Variants in SGCG observed in about 807,000 individuals in gnomAD.
The protein encoded by SGCG is gamma-sarcoglycan.
SGCG carries 26 observed loss-of-function variants against 29.3 expected under a neutral mutation model. The observed-to-expected ratio is 0.89, with a 90% CI of 0.65 to 1.23. SGCG has a LOEUF of 1.23. Ranked by LOEUF, SGCG falls within the 50% of genes most tolerant of loss-of-function variation. The probability of loss-of-function intolerance (pLI) is 0.00; values close to 1 mark genes in which losing one functional copy is unlikely to be tolerated. For synonymous variants in SGCG, 145 were observed against 129.7 expected (o/e 1.12, Z -0.80); for missense variants, 353 against 356.0 (o/e 0.99, Z 0.07).
chr13:23,240,975 C>G (rs923886128), intron 3 of SGCG, among the ~76,000 whole-genome samples: 2 of 151,900 alleles, frequency 1.3e-5, no homozygotes, highest in African/African-American at 4.8e-5. Context: ...CGGTGAAACC[C>G]TGTCTCTACT....
At position 23,314,822 on chromosome 13, in the gene SGCG, G is replaced by C. The variant is rs952960876; in HGVS notation, c.579-5815G>C. Reference sequence around the variant, plus strand: ...AGGTGAAGGATAAGTTGCTGCATTTGGCCCCACCTGCAACCAAGAAAACGG... The same window carrying C: ...AGGTGAAGGATAAGTTGCTGCATTTCGCCCCACCTGCAACCAAGAAAACGG... On this transcript the variant is annotated intron_variant, in intron 6 of 7. Coordinates refer to ENST00000218867, the MANE Select transcript of SGCG (RefSeq NM_000231.3). 4.8e-4 allele frequency among the ~76,000 whole-genome samples: 73 copies of C among 152,186 alleles called. 1 individual carries two copies. The highest frequency in any genetic ancestry group is 8.8e-5 in the Non-Finnish European group (6 of 68,030).
intron 1 of SGCG, among the ~76,000 whole-genome samples, chr13:23,190,286 C>T (rs1764554): frequency 0.95 from 144,044 of 152,152 alleles, 68,235 homozygotes; most frequent in East Asian, 1. Flanking sequence ...ATATGAGTAA[C>T]GTCTGTAGTA....
chr13:23,323,969 G>A (rs1353498248), intron 7 of SGCG, among the ~76,000 whole-genome samples: 1 of 152,204 alleles, frequency 6.6e-6, no homozygotes, highest in Non-Finnish European at 1.5e-5. Flanking sequence ...TGAATCGGGA[G>A]AATTCTAATA....
At chr13:23,210,682 CCCCGTCT>C (rs1372174505) in intron 2 of SGCG, among the ~76,000 whole-genome samples, 1 of 152,134 alleles carries the variant, frequency 6.6e-6, no homozygotes, top group Non-Finnish European at 1.5e-5. Flanking sequence ...CAGAGCAAGA[CCCCGTCT>C]CAAAAAATAA....
intron 2 of SGCG, among the ~76,000 whole-genome samples, chr13:23,234,066 A>G (rs924687703): frequency 3.9e-5 from 6 of 152,218 alleles, no homozygotes; most frequent in Admixed American, 3.9e-4. Flanking sequence ...GTAATCTTTC[A>G]TGACTGTAAA....
intron 1 of SGCG, among the ~76,000 whole-genome samples, chr13:23,192,942 T>A (rs1451715469): frequency 6.6e-6 from 1 of 152,218 alleles, no homozygotes; most frequent in Non-Finnish European, 1.5e-5. Context: ...CCTTCCTGTC[T>A]TCCTGGAGGT....
chr13:23,184,531 A>G (rs1020359337), intron 1 of SGCG, among the ~76,000 whole-genome samples: 8 of 152,248 alleles, frequency 5.3e-5, no homozygotes, highest in African/African-American at 1.9e-4. Flanking sequence ...AGAATATTCT[A>G]AACTCTGTTC....
chr13:23,219,280 C>T lies in SGCG; in HGVS notation c.196-15331C>T, dbSNP rs189222367. 1.2e-4 allele frequency among the ~76,000 whole-genome samples: 18 copies of T among 152,182 alleles called. No individual in the cohort carries two copies. The East Asian group carries it at 3.5e-3, about 29-fold the overall frequency. On this transcript the variant is annotated intron_variant, in intron 2 of 7. Coordinates refer to ENST00000218867, the MANE Select transcript of SGCG (RefSeq NM_000231.3). ...GCCAGGATGGTCTCGATCTCCTGAC[C>T]TCCTGATATGCCTGCCTTGGCCTCC...
intron 5 of SGCG, among the ~76,000 whole-genome samples, chr13:23,283,549 A>G (rs1386871691): frequency 1.3e-5 from 2 of 152,090 alleles, no homozygotes; most frequent in African/African-American, 4.8e-5. Flanking sequence ...TAGCCCATCA[A>G]TGGGTTTTGA....
At chr13:23,225,663 T>C (rs1382204525) in intron 2 of SGCG, among the ~76,000 whole-genome samples, 1 of 152,076 alleles carries the variant, frequency 6.6e-6, no homozygotes, top group African/African-American at 2.4e-5. Flanking sequence ...ACTCCAGCCC[T>C]GGAATTAGCT....
At chr13:23,277,950 G>A (rs964209794) in intron 4 of SGCG, among the ~76,000 whole-genome samples, 5 of 151,722 alleles carry the variant, frequency 3.3e-5, no homozygotes, top group Admixed American at 1.3e-4. Flanking sequence ...CGCCTGCCTC[G>A]GCCTCCCAAA....
chr13:23,261,023 C>G (rs1338668388), intron 4 of SGCG, among the ~76,000 whole-genome samples: 4 of 152,042 alleles, frequency 2.6e-5, no homozygotes, highest in African/African-American at 9.7e-5. Context: ...CTTGGGATTG[C>G]TCTTCTCAAG....
intron 1 of SGCG, among the ~76,000 whole-genome samples, chr13:23,189,992 A>G (rs1819342): frequency 0.12 from 17,826 of 152,240 alleles, 1,141 homozygotes; most frequent in East Asian, 0.23. Context: ...CAACATAGAC[A>G]ACTTAGAGGT....
At chr13:23,189,877 C>G (rs370254368) in intron 1 of SGCG, among the ~76,000 whole-genome samples, 20 of 152,294 alleles carry the variant, frequency 1.3e-4, no homozygotes, top group African/African-American at 4.6e-4. Flanking sequence ...CCTTCACCCC[C>G]CTGCCCGCTC....
intron 2 of SGCG, among the ~76,000 whole-genome samples, chr13:23,224,372 T>C (rs1331705374): frequency 1.3e-5 from 2 of 152,148 alleles, no homozygotes; most frequent in Non-Finnish European, 2.9e-5. Flanking sequence ...ATTCTTTCTT[T>C]CTCCTGCCGA....
intron 2 of SGCG, among the ~76,000 whole-genome samples, chr13:23,223,594 CAT>C (rs1448924338): frequency 1.3e-5 from 2 of 151,988 alleles, no homozygotes; most frequent in Admixed American, 6.6e-5. Flanking sequence ...ATAGGAAAAA[CAT>C]AGAAATTTCC....
intron 4 of SGCG, among the ~76,000 whole-genome samples, chr13:23,253,344 G>A (rs1289079527): frequency 6.6e-6 from 1 of 152,186 alleles, no homozygotes; most frequent in East Asian, 1.9e-4. Flanking sequence ...GCCTGAGAAA[G>A]TGATTTAATT....
intron 2 of SGCG, among the ~76,000 whole-genome samples, chr13:23,227,994 A>G (rs1878967485): frequency 6.6e-6 from 1 of 152,028 alleles, no homozygotes; most frequent in African/African-American, 2.4e-5. Context: ...TATTTTTTGT[A>G]GAGATGGGAT....
rs114318324 is a variant in SGCG, at chr13:23,199,900, G to A, written c.1-3795G>A. Among the ~76,000 whole-genome samples, 1,474 of 152,244 alleles carry A rather than the reference G, an allele frequency of 9.7e-3. 25 individuals carry two copies. Among genetic ancestry groups the A allele is most frequent in the African/African-American group, 0.034 (1,405 of 41,530 alleles). On this transcript the variant is annotated intron_variant, in intron 1 of 7. Coordinates refer to ENST00000218867, the MANE Select transcript of SGCG (RefSeq NM_000231.3). Reference sequence around the variant, plus strand: ...TCAGCAGGGCAGGTGGGCAGATGTGGGGGGACTCAAGAGCCAAAGACAGCA... The same window carrying A: ...TCAGCAGGGCAGGTGGGCAGATGTGAGGGGACTCAAGAGCCAAAGACAGCA...
Sources: allele counts gnomAD v4.1 joint callset (sites outside exome capture counted in the v4.1 genomes callset), GRCh38; gene constraint gnomAD v4.1.1; transcripts MANE v1.5; gene names NCBI Gene and HGNC (gene_info 2026-07-23, HGNC 2026-07-21).